MAPKAPK3: variants seen among roughly 807,000 people sequenced by gnomAD.
MAPKAPK3 encodes MAPK activated protein kinase 3.
MAPKAPK3 carries 35 observed loss-of-function variants against 49.2 expected under a neutral mutation model. That is an observed-to-expected ratio of 0.71 (90% confidence interval 0.54 to 0.94). The LOEUF (loss-of-function observed/expected upper bound fraction) is 0.94. MAPKAPK3 is among the 40% of genes least tolerant of loss of function. MAPKAPK3 has a pLI of 0.00. For missense variants in MAPKAPK3, 398 were observed against 493.1 expected, an observed-to-expected ratio of 0.81 and a Z score of 1.83; for synonymous variants, 178 against 188.7, an observed-to-expected ratio of 0.94 and a Z score of 0.46.
In MAPKAPK3 at chr3:50,617,609, C is replaced by G; in HGVS notation, c.44C>G (p.Pro15Arg). 4.4e-6 allele frequency: 7 copies of G among 1,603,206 alleles called. No homozygotes were observed. Among genetic ancestry groups the G allele is most frequent in the Non-Finnish European group, 1.7e-6 (2 of 1,172,100 alleles). ...TAEEQGGPVP[P>R]PVAPGGPGLG... is the part of the protein sequence containing the mutation. ...GAGGAGCAGGGGGGCCCTGTGCCCC[C>G]GCCAGTTGCACCCGGCGGACCCGGC... Residue 15 changes from proline to arginine, a missense_variant, in exon 2 of 11, where the codon CCG (proline) becomes CGG (arginine). By Grantham distance (103) the Pro-to-Arg change is moderately radical (BLOSUM62 -2). Around this residue, in one of 5 missense-constraint regions of MAPKAPK3, gnomAD observed 123 missense variants for 117.7 expected, o/e 1.04. Transcript: ENST00000621469.
chr3:50,630,229 A>G (rs1191895930), intron 2 of MAPKAPK3, among the ~76,000 whole-genome samples: 2 of 151,774 alleles, frequency 1.3e-5, no homozygotes, highest in Non-Finnish European at 2.9e-5. Context: ...GTCATCATCA[A>G]GCATCCCAGT....
rs1465710282 is a variant in MAPKAPK3, at chr3:50,648,230, C to T, written c.*184C>T. 8 of 640,590 alleles carry T rather than the reference C, an allele frequency of 1.2e-5. No individual in the cohort carries two copies. Among genetic ancestry groups the T allele is most frequent in the African/African-American group, 3.7e-5 (2 of 54,200 alleles). 39.7% of individuals were successfully genotyped at this position (640,590 alleles called of 1,614,324 possible). On this transcript the variant is annotated 3_prime_UTR_variant, in exon 11 of 11. Transcript: ENST00000621469. ...CCCTAAACCTCCTTCAGATCTCTGG[C>T]CCAGGCTCAAGCCCTAGAGATGGGC...
At chr3:50,623,878 C>A (rs1301857626) in intron 2 of MAPKAPK3, among the ~76,000 whole-genome samples, 1 of 152,256 alleles carries the variant, frequency 6.6e-6, no homozygotes, top group Admixed American at 6.5e-5. Flanking sequence ...GGAGCCCTGG[C>A]AGCCCCAGCT....
chr3:50,633,593 TC>T, intron 2 of MAPKAPK3, among the ~76,000 whole-genome samples: 1 of 152,266 alleles, frequency 6.6e-6, no homozygotes, highest in South Asian at 2.1e-4. Context: ...TCATCTCCCC[TC>T]AGGGAGGGGT....
chr3:50,620,332 A>C (rs529906032), intron 2 of MAPKAPK3, among the ~76,000 whole-genome samples: 1 of 151,966 alleles, frequency 6.6e-6, no homozygotes, highest in Non-Finnish European at 1.5e-5. Context: ...CTCTCCCCGC[A>C]GTTGCCCCAG....
upstream of MAPKAPK3, chr3:50,611,623 G>A (rs901889096): frequency 1.3e-6 from 2 of 1,521,120 alleles, no homozygotes; most frequent in African/African-American, 2.9e-5. Flanking sequence ...GCAGAGAGCC[G>A]CGCTTACCCC....
At chr3:50,642,176 G>C (rs1011432404) in intron 4 of MAPKAPK3, 77 bp from the exon 5 acceptor site, 20 of 937,360 alleles carry the variant, frequency 2.1e-5, no homozygotes, top group Non-Finnish European at 3.3e-5. Context: ...CTGTTAGACT[G>C]TGTCCAGGAG....
Position 50,646,257 on chromosome 3 carries a change from T to C in MAPKAPK3, c.822T>C (p.Ser274=). ...GFPNPEWSEV[S]EDAKQLIRLL... is the part of the protein sequence containing the mutation. ...CCAATCCTGAGTGGTCAGAAGTCTC[T>C]GAGGATGGTGAGTGAACCTCTCTGT... The change falls in exon 8 of 11, where the codon TCT becomes TCC. Residue 274 remains serine (S), a synonymous_variant. Coordinates refer to ENST00000621469, the MANE Select transcript of MAPKAPK3 (RefSeq NM_001243925.2). 1 of 1,614,132 alleles carries C rather than the reference T, an allele frequency of 6.2e-7. No homozygotes were observed. The highest frequency in any genetic ancestry group is 1.7e-5 in the Admixed American group (1 of 60,016).
rs189582516 is a variant in MAPKAPK3, at chr3:50,635,574, C to T, written c.220-4792C>T. Among the ~76,000 whole-genome samples, 22 of 151,708 alleles carry T rather than the reference C, an allele frequency of 1.5e-4. No homozygotes were observed. In the East Asian group the frequency reaches 3.7e-3, roughly 25 times the overall value. Reference sequence around the variant, plus strand: ...CTGGGGTTACAGACGCACACCACCACACTAACTAATTTTTGTATTTTTAGT... The same window carrying T: ...CTGGGGTTACAGACGCACACCACCATACTAACTAATTTTTGTATTTTTAGT... On this transcript the variant is annotated intron_variant, in intron 2 of 10. Coordinates refer to ENST00000621469, the MANE Select transcript of MAPKAPK3 (RefSeq NM_001243925.2).
chr3:50,629,671 G>A (rs1480028498), intron 2 of MAPKAPK3, among the ~76,000 whole-genome samples: 1 of 152,166 alleles, frequency 6.6e-6, no homozygotes, highest in Non-Finnish European at 1.5e-5. Flanking sequence ...CTGGGGCACT[G>A]GGACCCTCTA....
At chr3:50,647,320 G>A (rs2033327822) in intron 10 of MAPKAPK3, 117 bp downstream of exon 10, 2 of 770,644 alleles carry the variant, frequency 2.6e-6, no homozygotes, top group African/African-American at 1.7e-5. Context: ...CTGGAGCACA[G>A]GGTGTCAGTG....
intron 2 of MAPKAPK3, among the ~76,000 whole-genome samples, chr3:50,621,467 G>A (rs1467987865): frequency 3.3e-5 from 5 of 151,756 alleles, no homozygotes; most frequent in Non-Finnish European, 5.9e-5. Flanking sequence ...ACACAGTGGC[G>A]GGCGCCTGTA....
upstream of MAPKAPK3, among the ~76,000 whole-genome samples, chr3:50,614,558 T>G (rs2032417131): frequency 6.8e-6 from 1 of 147,344 alleles, no homozygotes; most frequent in East Asian, 2.1e-4. Flanking sequence ...TTAGCCCCCC[T>G]CACTTTAAGC....
At chr3:50,636,036 A>G (rs2033033173) in intron 2 of MAPKAPK3, among the ~76,000 whole-genome samples, 1 of 149,888 alleles carries the variant, frequency 6.7e-6, no homozygotes. Flanking sequence ...CATTGAGCCC[A>G]GGAGATCAAG....
At chr3:50,640,563 C>T (rs1028156635) in intron 3 of MAPKAPK3, 58 bp downstream of exon 3, 17 of 1,541,222 alleles carry the variant, frequency 1.1e-5, no homozygotes, top group Admixed American at 3.9e-5. Flanking sequence ...CCTCAGGCTC[C>T]CTGCCACGCT....
intron 3 of MAPKAPK3, among the ~76,000 whole-genome samples, chr3:50,640,880 G>A (rs746692477): frequency 3.9e-5 from 6 of 152,192 alleles, no homozygotes; most frequent in Non-Finnish European, 5.9e-5. Context: ...TTTGACCTGG[G>A]TATGTGCTCC....
chr3:50,611,651 G>A (rs1177639835), upstream of MAPKAPK3: 1 of 1,493,264 alleles, frequency 6.7e-7, no homozygotes, highest in Non-Finnish European at 8.9e-7. Flanking sequence ...AGAGGACCAT[G>A]TCCCCGCGGC....
intron 9 of MAPKAPK3, 122 bp from the exon 10 acceptor site, chr3:50,647,001 C>T: frequency 9.3e-7 from 1 of 1,072,022 alleles, no homozygotes. Flanking sequence ...TAGTGAGGCT[C>T]CTTCCCCACC....
chr3:50,637,317 G>C (rs4583652), intron 2 of MAPKAPK3, among the ~76,000 whole-genome samples: 152,308 of 152,308 alleles, frequency 1, 76,154 homozygotes, highest in Non-Finnish European at 1. Context: ...TGCTCCCAGG[G>C]TGGTAGGAGG....
Sources: gnomAD v4.1 joint callset for allele counts (sites outside exome capture counted in the v4.1 genomes callset) on GRCh38, gnomAD v4.1.1 for gene constraint, gnomAD v4.1.1 regional missense constraint, MANE v1.5 for transcripts, NCBI Gene and HGNC (gene_info 2026-07-23, HGNC 2026-07-21) for gene names.